ATP13A4: variants seen among roughly 807,000 people sequenced by gnomAD.
The protein encoded by ATP13A4 is ATPase 13A4.
In ATP13A4, 114 loss-of-function variants were observed where a neutral mutation model predicts 142.5. The observed-to-expected ratio is 0.80, with a 90% confidence interval of 0.69 to 0.93. The LOEUF (loss-of-function observed/expected upper bound fraction) is 0.93, where lower values mean the gene tolerates loss of function less well. Ranked by LOEUF, ATP13A4 falls within the 40% of genes least tolerant of loss-of-function variation. The pLI is 0.00. For missense variants in ATP13A4, 1,392 were observed against 1,454.0 expected, an observed-to-expected ratio of 0.96 and a Z score of 0.69; for synonymous variants, 488 against 514.8, an observed-to-expected ratio of 0.95 and a Z score of 0.70.
In ATP13A4 at chr3:193,528,064, C is replaced by G. The variant is rs185006893; in HGVS notation, c.61-13193G>C. ...CAAAGCTGTCCATGTAGTTTTCACTCAGGATTCAATATTCCTTTAAGGAAA... is the reference window on the plus strand; with the variant it reads ...CAAAGCTGTCCATGTAGTTTTCACTGAGGATTCAATATTCCTTTAAGGAAA... On this transcript the variant is annotated intron_variant, in intron 1 of 29. Coordinates refer to ENST00000342695, the MANE Select transcript of ATP13A4 (RefSeq NM_032279.4). 3.7e-3 allele frequency among the ~76,000 whole-genome samples: 562 copies of G among 152,334 alleles called. 2 individuals carry two copies. Among genetic ancestry groups the G allele is most frequent in the Non-Finnish European group, 6.0e-3 (405 of 68,034 alleles).
chr3:193,451,853 A>C (rs997986687), intron 17 of ATP13A4, among the ~76,000 whole-genome samples: 20 of 152,286 alleles, frequency 1.3e-4, no homozygotes, highest in African/African-American at 4.8e-4. Flanking sequence ...GGAGTTCACA[A>C]AGGATCATTA....
intron 1 of ATP13A4, among the ~76,000 whole-genome samples, chr3:193,525,302 A>C (rs762259490): frequency 2.0e-5 from 3 of 152,230 alleles, no homozygotes; most frequent in Non-Finnish European, 4.4e-5. Context: ...AAATCTTAAG[A>C]TAATTCTCAA....
intron 2 of ATP13A4, among the ~76,000 whole-genome samples, chr3:193,505,639 T>C (rs1234640787): frequency 2.6e-5 from 4 of 152,086 alleles, no homozygotes; most frequent in Non-Finnish European, 5.9e-5. Flanking sequence ...AAATAAAAGA[T>C]AGGACAGCTA....
At chr3:193,464,176 T>C (rs1718127037) in intron 12 of ATP13A4, among the ~76,000 whole-genome samples, 1 of 152,172 alleles carries the variant, frequency 6.6e-6, no homozygotes, top group Admixed American at 6.5e-5. Flanking sequence ...ATGTAAACAA[T>C]TTCTTAGCCA....
At chr3:193,436,294 G>T (rs1038521270) in intron 23 of ATP13A4, among the ~76,000 whole-genome samples, 14 of 152,244 alleles carry the variant, frequency 9.2e-5, no homozygotes, top group African/African-American at 3.4e-4. Flanking sequence ...ATTGAAATAG[G>T]CTGGAAATGA....
chr3:193,513,978 A>C (rs1035177413), intron 2 of ATP13A4, among the ~76,000 whole-genome samples: 2 of 152,216 alleles, frequency 1.3e-5, no homozygotes, highest in African/African-American at 4.8e-5. Flanking sequence ...ATTTTTAGCT[A>C]TTAACATGTG....
At chr3:193,509,638 C>G (rs1483835749) in intron 2 of ATP13A4, among the ~76,000 whole-genome samples, 1 of 152,124 alleles carries the variant, frequency 6.6e-6, no homozygotes. Context: ...TATTTTAATA[C>G]ACGGTAAAAA....
rs191614833 is a variant in ATP13A4 at position 193,424,023 on chromosome 3, T to C, written c.2843-9273A>G. ...CATAGAAAAATCAGTAGCTTTTATATAGGCTAATGATGAATTATCTATAAA... is the reference window on the plus strand; with the variant it reads ...CATAGAAAAATCAGTAGCTTTTATACAGGCTAATGATGAATTATCTATAAA... On this transcript the variant is annotated intron_variant, in intron 25 of 29. Transcript: ENST00000342695. Among the ~76,000 whole-genome samples the C allele has an allele frequency of 5.4e-3, 814 of 149,544 alleles. 43 individuals are homozygous for C. Among genetic ancestry groups the C allele is most frequent in the African/African-American group, 0.019 (782 of 40,874 alleles).
intron 25 of ATP13A4, among the ~76,000 whole-genome samples, chr3:193,433,381 A>G (rs998947412): frequency 3.3e-5 from 5 of 152,178 alleles, no homozygotes; most frequent in Non-Finnish European, 7.4e-5. Context: ...GAGACAATTT[A>G]TTCATTAGAA....
chr3:193,420,580 G>T (rs778927461), intron 25 of ATP13A4, among the ~76,000 whole-genome samples: 2 of 149,860 alleles, frequency 1.3e-5, no homozygotes, highest in East Asian at 4.1e-4. Context: ...AGGAAACTCA[G>T]TGAGATACAA....
chr3:193,492,869 C>T, intron 5 of ATP13A4, 48 bp downstream of exon 5: 1 of 1,403,986 alleles, frequency 7.1e-7, no homozygotes, highest in East Asian at 2.3e-5. Context: ...ATTTGGCTAA[C>T]TGATAATAAT....
At position 193,442,888 on chromosome 3, in the gene ATP13A4, T is replaced by C. The variant is rs866851229; in HGVS notation, c.2153-332A>G. On this transcript the variant is annotated intron_variant, in intron 18 of 29. Coordinates refer to ENST00000342695, the MANE Select transcript of ATP13A4 (RefSeq NM_032279.4). ...TCTGGTTTAGTAGAGTATCTGGTGG[T>C]TCCACTTCCAGGCAAAATGGAGTAA... Among the ~76,000 whole-genome samples the C allele has an allele frequency of 1.0e-3, 157 of 152,328 alleles. 1 individual carries two copies. The highest frequency in any genetic ancestry group is 3.7e-3 in the African/African-American group (155 of 41,568).
Position 193,545,359 on chromosome 3 carries a change from T to C in ATP13A4, c.60+9381A>G, listed in dbSNP as rs559251870. On this transcript the variant is annotated intron_variant, in intron 1 of 29. Coordinates refer to ENST00000342695, the MANE Select transcript of ATP13A4 (RefSeq NM_032279.4). ...AGAGTGTCCTGGCCTGAGGACATTA[T>C]ATTTCTCTGGAAAGCATTCAGGACA... Among the ~76,000 whole-genome samples, 9 of 152,332 alleles carry C rather than the reference T, an allele frequency of 5.9e-5. No individual in the cohort carries two copies. The South Asian group carries it at 1.9e-3, about 32-fold the overall frequency.
Position 193,474,475 on chromosome 3 carries a change from G to A in ATP13A4, c.809-3482C>T, listed in dbSNP as rs12630990. The stretch of plus-strand genomic sequence containing the variant: ...TACTTGGGACCAGGAGGTCGAGGCT[G>A]CAGTGAGCTATGACTGCACCATTGC... On this transcript the variant is annotated intron_variant, in intron 8 of 29. Coordinates refer to ENST00000342695, the MANE Select transcript of ATP13A4 (RefSeq NM_032279.4). 1.7e-3 allele frequency among the ~76,000 whole-genome samples: 254 copies of A among 150,438 alleles called. 5 individuals carry two copies. In the South Asian group the frequency reaches 0.019, roughly 11 times the overall value.
chr3:193,474,836 C>T (rs932324926), intron 8 of ATP13A4, among the ~76,000 whole-genome samples: 6 of 151,842 alleles, frequency 4.0e-5, no homozygotes, highest in East Asian at 1.9e-4. Flanking sequence ...AGCTACATGT[C>T]GGCAACTTAT....
At chr3:193,592,341 C>T (rs1399012976) in intron 1 of ATP13A4, among the ~76,000 whole-genome samples, 1 of 152,100 alleles carries the variant, frequency 6.6e-6, no homozygotes, top group South Asian at 2.1e-4. Context: ...AGGAGAGGAG[C>T]TCAAGATGGC....
intron 13 of ATP13A4, among the ~76,000 whole-genome samples, chr3:193,459,674 G>C (rs1477741181): frequency 1.3e-5 from 2 of 152,122 alleles, no homozygotes; most frequent in African/African-American, 4.8e-5. Flanking sequence ...CCCAACCTCA[G>C]CTAACCCACC....
intron 18 of ATP13A4, among the ~76,000 whole-genome samples, chr3:193,443,273 C>T (rs966415176): frequency 3.3e-5 from 5 of 152,224 alleles, no homozygotes; most frequent in African/African-American, 9.6e-5. Flanking sequence ...ATATGAATTA[C>T]GTAAGTCCCA....
At chr3:193,458,204 G>A (rs558497946) in intron 14 of ATP13A4, among the ~76,000 whole-genome samples, 6 of 152,204 alleles carry the variant, frequency 3.9e-5, no homozygotes, top group African/African-American at 9.6e-5. Flanking sequence ...CACCAGAGGC[G>A]AGAGCTATAT....
Sources: allele counts gnomAD v4.1 joint callset (sites outside exome capture counted in the v4.1 genomes callset), GRCh38; gene constraint gnomAD v4.1.1; transcripts MANE v1.5; gene names NCBI Gene and HGNC (gene_info 2026-07-23, HGNC 2026-07-21).